GAN: variants seen among roughly 807,000 people sequenced by gnomAD.
GAN encodes the protein epididymis secretory sperm binding protein.
A neutral mutation model predicts 71.3 loss-of-function variants in GAN; 48 were observed. The ratio of observed to expected loss-of-function variants is 0.67; its 90% CI spans 0.53 to 0.86. GAN has a LOEUF of 0.86. Ranked by LOEUF, GAN falls within the 40% of genes least tolerant of loss-of-function variation. GAN has a pLI of 0.00. For missense variants in GAN, 928 were observed against 770.1 expected, an observed-to-expected ratio of 1.21 and a Z score of -2.43; for synonymous variants, 386 against 276.8, an observed-to-expected ratio of 1.39 and a Z score of -3.92.
chr16:81,368,303 A>T (rs561573324), intron 9 of GAN, among the ~76,000 whole-genome samples: 1 of 152,306 alleles, frequency 6.6e-6, no homozygotes, highest in African/African-American at 2.4e-5. Flanking sequence ...TCCATGTTCA[A>T]AAAAGGGTCA....
chr16:81,353,160 G>A lies in GAN; in HGVS notation c.283-1245G>A, dbSNP rs545692499. On this transcript the variant is annotated intron_variant, in intron 2 of 10. Transcript: ENST00000648994. ...CAAAAAATTAGCCGGGCGAGGTGGC[G>A]GGCGCCTGTAGTCCCGGCTACTCGG... is the stretch of plus-strand genomic sequence containing the variant. 7.2e-5 allele frequency among the ~76,000 whole-genome samples: 11 copies of A among 152,078 alleles called. No individual in the cohort carries two copies. The South Asian group carries it at 8.3e-4, about 12-fold the overall frequency.
rs28497028 is a variant in GAN at position 81,338,985 on chromosome 16, G to A, written c.168-12598G>A. 1.9e-3 allele frequency among the ~76,000 whole-genome samples: 289 copies of A among 152,290 alleles called. 1 individual carries two copies. Among genetic ancestry groups the A allele is most frequent in the African/African-American group, 6.2e-3 (258 of 41,572 alleles). ...TGCCCATGATCATAGAAGCTCAAGA[G>A]TTTAGAAACTCTTTTAGCAGTTTGA... On this transcript the variant is annotated intron_variant, in intron 1 of 10. Transcript: ENST00000648994.
chr16:81,323,761 G>T (rs183113842), intron 1 of GAN, among the ~76,000 whole-genome samples: 3 of 152,186 alleles, frequency 2.0e-5, no homozygotes, highest in Non-Finnish European at 1.5e-5. Context: ...CAAGGCCACT[G>T]TCCTCCTGGA....
intron 5 of GAN, among the ~76,000 whole-genome samples, chr16:81,362,018 G>C (rs1175293672): frequency 1.3e-5 from 2 of 152,114 alleles, no homozygotes; most frequent in Admixed American, 6.5e-5. Context: ...ATTGTTTTTT[G>C]CAGAAGAATA....
intron 5 of GAN, among the ~76,000 whole-genome samples, chr16:81,358,435 C>G (rs1056761748): frequency 6.6e-6 from 1 of 151,974 alleles, no homozygotes; most frequent in Non-Finnish European, 1.5e-5. Context: ...AGGAGAGAAA[C>G]TGTCTTTACT....
At chr16:81,324,262 G>C (rs1393783887) in intron 1 of GAN, among the ~76,000 whole-genome samples, 1 of 152,194 alleles carries the variant, frequency 6.6e-6, no homozygotes, top group Non-Finnish European at 1.5e-5. Context: ...CGGAGTGCCA[G>C]CATCCATGGG....
chr16:81,368,743 T>C (rs1326957494), intron 9 of GAN, among the ~76,000 whole-genome samples: 1 of 152,248 alleles, frequency 6.6e-6, no homozygotes, highest in Non-Finnish European at 1.5e-5. Flanking sequence ...CTCACAGTTA[T>C]TCCTGCATCT....
Position 81,385,434 on chromosome 16 carries a change from A to G in GAN, c.*7838A>G, listed in dbSNP as rs1904371066. ...GCATCTGGGCTTGGGGGCTTCTGCC[A>G]CACTTACTACTCTGTGACTTGGGAA... On this transcript the variant is annotated 3_prime_UTR_variant, in exon 11 of 11. Coordinates refer to ENST00000648994, the MANE Select transcript of GAN (RefSeq NM_022041.4). 1 of 152,188 alleles carries G rather than the reference A, an allele frequency of 6.6e-6. No homozygotes were observed. The highest frequency in any genetic ancestry group is 6.5e-5 in the Admixed American group (1 of 15,274). The allele number at this position is 152,188 out of a possible 1,614,324, so 9.4% of individuals were successfully genotyped here.
intron 1 of GAN, among the ~76,000 whole-genome samples, chr16:81,344,598 CA>C (rs1191150516): frequency 1.3e-5 from 2 of 152,066 alleles, no homozygotes; most frequent in Non-Finnish European, 2.9e-5. Flanking sequence ...ACATCTTATA[CA>C]AAAATCAACT....
At chr16:81,333,752 C>T (rs924449208) in intron 1 of GAN, among the ~76,000 whole-genome samples, 3 of 152,198 alleles carry the variant, frequency 2.0e-5, no homozygotes, top group Admixed American at 1.3e-4. Flanking sequence ...TCACCTGGTG[C>T]GGTGAGAGGC....
chr16:81,347,372 G>C (rs1293815549), intron 1 of GAN, among the ~76,000 whole-genome samples: 1 of 152,126 alleles, frequency 6.6e-6, no homozygotes, highest in Non-Finnish European at 1.5e-5. Flanking sequence ...AGATGTACAA[G>C]GGCCTTCTAC....
intron 1 of GAN, among the ~76,000 whole-genome samples, chr16:81,342,111 A>G (rs1597396022): frequency 1.3e-5 from 2 of 152,360 alleles, no homozygotes; most frequent in Admixed American, 1.3e-4. Context: ...CACCCAATAC[A>G]GGAGCACCCA....
intron 2 of GAN, 70 bp from the exon 3 acceptor site, chr16:81,354,335 A>T (rs1910411440): frequency 4.2e-6 from 4 of 947,502 alleles, no homozygotes; most frequent in East Asian, 2.4e-5. Context: ...TGTGGCCCCA[A>T]TTAATAGGTT....
chr16:81,382,366 G>A lies in GAN; in HGVS notation c.*4770G>A, dbSNP rs1904309897. 6.6e-6 allele frequency: 1 copy of A among 152,176 alleles called. No individual in the cohort carries two copies. Among genetic ancestry groups the A allele is most frequent in the South Asian group, 2.1e-4 (1 of 4,826 alleles). 9.4% of individuals were successfully genotyped at this position (152,176 alleles called of 1,614,324 possible). On this transcript the variant is annotated 3_prime_UTR_variant, in exon 11 of 11. Coordinates refer to ENST00000648994, the MANE Select transcript of GAN (RefSeq NM_022041.4). ...CTCCCAAACATGTCCTTTGCTAGTT[G>A]CACAGGCATAAGCTGAAAGATCTTT...
At chr16:81,366,502 A>G (rs1254639405) in intron 9 of GAN, among the ~76,000 whole-genome samples, 1 of 152,194 alleles carries the variant, frequency 6.6e-6, no homozygotes, top group African/African-American at 2.4e-5. Context: ...ACGTAATTTT[A>G]TTAGAGTAGT....
intron 5 of GAN, among the ~76,000 whole-genome samples, chr16:81,360,886 G>C (rs1020903832): frequency 6.6e-6 from 1 of 152,030 alleles, no homozygotes; most frequent in Non-Finnish European, 1.5e-5. Flanking sequence ...TCTAATTTTT[G>C]GTATGTCTGA....
In GAN at chr16:81,366,867, C is replaced by T. The variant is rs185755133; in HGVS notation, c.1502+1389C>T. Among the ~76,000 whole-genome samples the T allele has an allele frequency of 1.4e-4, 22 of 152,134 alleles. No homozygotes were observed. The East Asian group carries it at 1.5e-3, about 11-fold the overall frequency. The stretch of plus-strand genomic sequence containing the variant: ...TTGGAGACAGTCTCGCTCTGTCGCC[C>T]GGGCTAGAGTGCAGTGGCGTGATCT... On this transcript the variant is annotated intron_variant, in intron 9 of 10. Transcript: ENST00000648994.
chr16:81,381,796 G>C lies in GAN; in HGVS notation c.*4200G>C, dbSNP rs942201865. On this transcript the variant is annotated 3_prime_UTR_variant, in exon 11 of 11. Transcript: ENST00000648994. ...AAAGTAATGTTCTTCTGTTGAAAAG[G>C]GCACTCCAAGAGTGACTGATTTTAC... The C allele has an allele frequency of 1.6e-4, 25 of 152,148 alleles. 1 individual carries two copies. The highest frequency in any genetic ancestry group is 5.3e-4 in the African/African-American group (22 of 41,416). 9.4% of individuals were successfully genotyped at this position (152,148 alleles called of 1,614,324 possible).
At chr16:81,333,465 A>AGGTGG (rs1224821898) in intron 1 of GAN, among the ~76,000 whole-genome samples, 2 of 152,198 alleles carry the variant, frequency 1.3e-5, no homozygotes, top group African/African-American at 2.4e-5. Flanking sequence ...GGTAGAAAAT[A>AGGTGG]GTACCGTTTA....
Sources: allele counts gnomAD v4.1 joint callset (sites outside exome capture counted in the v4.1 genomes callset), GRCh38; gene constraint gnomAD v4.1.1; transcripts MANE v1.5; gene names NCBI Gene and HGNC (gene_info 2026-07-23, HGNC 2026-07-21).